The following COL6A5 variants were observed in gnomAD, a reference collection of about 807,000 sequenced individuals.
COL6A5 encodes collagen alpha-5(VI) chain.
A neutral mutation model predicts 65.6 loss-of-function variants in COL6A5; 48 were observed. That is an observed-to-expected ratio of 0.73 (90% CI 0.58 to 0.93). COL6A5 has a LOEUF of 0.93. Ranked by LOEUF, COL6A5 falls within the 40% of genes least tolerant of loss-of-function variation. The pLI is 0.00. For missense variants in COL6A5, 914 were observed against 928.3 expected (o/e 0.98, Z 0.20); for synonymous variants, 291 against 322.8 (o/e 0.90, Z 1.05).
chr3:130,478,158 G>A (rs1243221223), intron 7 of COL6A5, among the ~76,000 whole-genome samples: 1 of 152,090 alleles, frequency 6.6e-6, no homozygotes, highest in African/African-American at 2.4e-5. Flanking sequence ...GCTAATGTAA[G>A]CAGTAAATGA....
Position 130,405,983 on chromosome 3 carries a change from T to C in COL6A5, c.4354-10T>C. ...TGATTTGTCAGTGAGAGATATTTCA[T>C]CTTTTGCAGGGACTCAAAGGATTTT... On this transcript the variant is annotated splice_polypyrimidine_tract_variant and intron_variant and NMD_transcript_variant, in intron 14 of 41. Coordinates refer to the COL6A5 transcript ENST00000312481. 6.4e-7 allele frequency: 1 copy of C among 1,551,298 alleles called. No individual in the cohort carries two copies. The highest frequency in any genetic ancestry group is 2.4e-5 in the East Asian group (1 of 40,918).
At position 130,411,720 on chromosome 3, in the gene COL6A5, A is replaced by G. The variant is rs552628941; in HGVS notation, c.4662+1196A>G. 6.6e-5 allele frequency among the ~76,000 whole-genome samples: 10 copies of G among 152,310 alleles called. No homozygotes were observed. The East Asian group carries it at 1.9e-3, about 29-fold the overall frequency. Reference sequence around the variant, plus strand: ...TACTTTTAGTTTAAAATAGCTTTATAACTGACACATCAATGAGGTACTTTA... The same window carrying G: ...TACTTTTAGTTTAAAATAGCTTTATGACTGACACATCAATGAGGTACTTTA... On this transcript the variant is annotated intron_variant and NMD_transcript_variant, in intron 20 of 41. Transcript: ENST00000312481.
At chr3:130,387,656 A>G (rs1430564443) in intron 5 of COL6A5, among the ~76,000 whole-genome samples, 1 of 152,042 alleles carries the variant, frequency 6.6e-6, no homozygotes, top group African/African-American at 2.4e-5. Flanking sequence ...TTTTTAATAT[A>G]TGGCTGATGC....
At chr3:130,352,724 G>A (rs2107613456) in intron 1 of COL6A5, among the ~76,000 whole-genome samples, 1 of 152,216 alleles carries the variant, frequency 6.6e-6, no homozygotes, top group East Asian at 1.9e-4. Flanking sequence ...GAAGAAATGA[G>A]ATAATAAAGA....
intron 1 of COL6A5, among the ~76,000 whole-genome samples, chr3:130,362,252 T>TTGTCTCTCTCTCTCTCTCTCTC: frequency 8.7e-6 from 1 of 114,352 alleles, no homozygotes; most frequent in Admixed American, 9.3e-5. Flanking sequence ...TAAGGTTTCT[T>TTGTCTCTCTCTCTCTCTCTCTC]TCTCTCTCTC....
intron 6 of COL6A5, among the ~76,000 whole-genome samples, chr3:130,470,500 G>A (rs527919691): frequency 9.5e-4 from 144 of 151,608 alleles, no homozygotes; most frequent in African/African-American, 3.3e-3. Context: ...AGCTAATAGA[G>A]TCTTCTCCCA....
intron 5 of COL6A5, among the ~76,000 whole-genome samples, chr3:130,456,827 A>AT (rs1709585154): frequency 1.3e-5 from 2 of 151,824 alleles, no homozygotes; most frequent in Non-Finnish European, 2.9e-5. Flanking sequence ...CTGGGATAAA[A>AT]TTTTTTTTCT....
intron 4 of COL6A5, among the ~76,000 whole-genome samples, chr3:130,445,458 C>G (rs1003416264): frequency 6.6e-6 from 1 of 152,172 alleles, no homozygotes; most frequent in African/African-American, 2.4e-5. Context: ...TGTAAGGAGG[C>G]TTAACACAAC....
intron 4 of COL6A5, among the ~76,000 whole-genome samples, chr3:130,452,645 C>T (rs891976380): frequency 4.6e-5 from 7 of 152,172 alleles, no homozygotes; most frequent in Admixed American, 6.5e-5. Flanking sequence ...AGGACTGGGG[C>T]GAAATTAAAA....
chr3:130,414,773 G>A (rs780271640), intron 22 of COL6A5, among the ~76,000 whole-genome samples: 6 of 152,026 alleles, frequency 3.9e-5, no homozygotes, highest in East Asian at 1.9e-4. Flanking sequence ...GCCTGGACTC[G>A]TATGGAAGGG....
Position 130,409,390 on chromosome 3 carries a change from TA to T in COL6A5, c.4542+4del. 1.3e-6 allele frequency: 2 copies of T among 1,548,650 alleles called. No individual in the cohort carries two copies. Among genetic ancestry groups the T allele is most frequent in the Non-Finnish European group, 1.7e-6 (2 of 1,145,454 alleles). On this transcript the variant is annotated splice_donor_region_variant and intron_variant and NMD_transcript_variant, in intron 18 of 41. Coordinates refer to the COL6A5 transcript ENST00000312481. ...GAGAAGGGCTTCCCAGGGGATCCGG[TA>T]AGTTTCTAGGGCCCAGTTGGCTCTG...
exon 25 of COL6A5, chr3:130,418,897 G>A: frequency 6.4e-7 from 1 of 1,550,682 alleles, no homozygotes; most frequent in African/African-American, 1.4e-5. Context: ...GGAGATCTAG[G>A]GCCAGTGGGG....
chr3:130,350,987 A>G (rs532082220), intron 1 of COL6A5, among the ~76,000 whole-genome samples: 4 of 152,326 alleles, frequency 2.6e-5, no homozygotes, highest in African/African-American at 9.6e-5. Flanking sequence ...GGAACAGAAC[A>G]GAGTCCTCAG....
chr3:130,450,353 G>T (rs573920776), intron 4 of COL6A5, among the ~76,000 whole-genome samples: 1 of 152,270 alleles, frequency 6.6e-6, no homozygotes, highest in South Asian at 2.1e-4. Context: ...AGCAGCATTT[G>T]GCCATGTGTG....
intron 5 of COL6A5, among the ~76,000 whole-genome samples, chr3:130,460,073 T>C (rs1000696082): frequency 4.6e-5 from 7 of 152,106 alleles, no homozygotes; most frequent in Admixed American, 2.6e-4. Flanking sequence ...GAATGTATAT[T>C]TTTACTTGGG....
At chr3:130,386,699 G>A (rs1205589402) in intron 5 of COL6A5, among the ~76,000 whole-genome samples, 1 of 152,030 alleles carries the variant, frequency 6.6e-6, no homozygotes, top group African/African-American at 2.4e-5. Flanking sequence ...ATCCTTTCAA[G>A]GGAGAAGGTC....
rs116136552 is a variant in COL6A5 at position 130,358,759 on chromosome 3, T to A, written c.-29+12778T>A. Among the ~76,000 whole-genome samples, 594 of 152,326 alleles carry A rather than the reference T, an allele frequency of 3.9e-3. 2 individuals are homozygous for A. Among genetic ancestry groups the A allele is most frequent in the African/African-American group, 0.013 (538 of 41,576 alleles). On this transcript the variant is annotated intron_variant and NMD_transcript_variant, in intron 1 of 41. Transcript: ENST00000312481. The stretch of plus-strand genomic sequence containing the variant: ...AATATGATTTGGCATACCTTTTTGC[T>A]GCAGTTGTCTAATATTGGCCATAAT...
chr3:130,409,177 G>A lies in COL6A5; in HGVS notation c.4480-149G>A, dbSNP rs1028672587. ...GACCATAGGCTTAAAACTGGACTTAGTACTGCTTGAGAAGTCTGAGGGAAT... is the reference window on the plus strand; with the variant it reads ...GACCATAGGCTTAAAACTGGACTTAATACTGCTTGAGAAGTCTGAGGGAAT... On this transcript the variant is annotated intron_variant and NMD_transcript_variant, in intron 17 of 41. Coordinates refer to the COL6A5 transcript ENST00000312481. The A allele has an allele frequency of 1.2e-5, 7 of 579,392 alleles. No homozygotes were observed. The Middle Eastern group carries it at 8.0e-4, about 66-fold the overall frequency. The allele number at this position is 579,392 out of a possible 1,614,324, so 35.9% of individuals were successfully genotyped here. A position where few individuals can be genotyped will look rare whatever the true frequency, so the allele number is the denominator to read the frequency against.
rs745530301 is a variant in COL6A5, at chr3:130,426,166, G to A, written c.5164-48G>A. On this transcript the variant is annotated intron_variant and NMD_transcript_variant, in intron 29 of 41. Transcript: ENST00000312481. ...TCTTGTTTTATTACTAAAGACTAAA[G>A]ACTTCAGTTGGCATACCACTAACTT... The A allele has an allele frequency of 2.0e-6, 3 of 1,531,980 alleles. No individual in the cohort carries two copies. In the South Asian group the frequency reaches 3.6e-5, roughly 18 times the overall value. 94.9% of individuals were successfully genotyped at this position (1,531,980 alleles called of 1,614,324 possible). A position where few individuals can be genotyped will look rare whatever the true frequency, so the allele number is the denominator to read the frequency against.
Sources: allele counts gnomAD v4.1 joint callset (sites outside exome capture counted in the v4.1 genomes callset), GRCh38; gene constraint gnomAD v4.1.1; transcripts MANE v1.5; gene names NCBI Gene and HGNC (gene_info 2026-07-23, HGNC 2026-07-21).